MYO9B: variants seen among roughly 807,000 people sequenced by gnomAD.
MYO9B encodes myosin IXB.
Under a neutral mutation model 229.5 loss-of-function variants are expected in MYO9B, and 71 were observed. That is an observed-to-expected ratio of 0.31 (90% CI 0.26 to 0.38). The LOEUF is 0.38. Among genes scored for constraint, MYO9B ranks in the 10% least tolerant of loss-of-function variants. MYO9B has a pLI of 1.00. For missense variants in MYO9B, 2,255 were observed against 2,920.5 expected, an observed-to-expected ratio of 0.77 and a Z score of 5.25; for synonymous variants, 1,185 against 1,235.8, an observed-to-expected ratio of 0.96 and a Z score of 0.86.
chr19:17,145,690 G>C (rs1226959938), intron 3 of MYO9B, among the ~76,000 whole-genome samples, 199 bp downstream of exon 3: 1 of 152,172 alleles, frequency 6.6e-6, no homozygotes, highest in Non-Finnish European at 1.5e-5. Flanking sequence ...GGCAGGGGCT[G>C]GGGGACGTGG....
At chr19:17,148,481 A>G (rs746568785) in intron 3 of MYO9B, among the ~76,000 whole-genome samples, 23 of 152,324 alleles carry the variant, frequency 1.5e-4, no homozygotes, top group South Asian at 8.3e-4. Context: ...CTCTAGGGAA[A>G]GATCCTGGCT....
At chr19:17,169,022 C>T (rs1337278560) in intron 11 of MYO9B, among the ~76,000 whole-genome samples, 3 of 152,088 alleles carry the variant, frequency 2.0e-5, no homozygotes, top group Non-Finnish European at 2.9e-5. Context: ...GGAACCGCTA[C>T]AAGCCAGGTG....
At chr19:17,158,687 G>C (rs1005211509) in intron 7 of MYO9B, among the ~76,000 whole-genome samples, 1 of 152,190 alleles carries the variant, frequency 6.6e-6, no homozygotes, top group Non-Finnish European at 1.5e-5. Context: ...TTGGCAGTGC[G>C]GGGAGGGATG....
chr19:17,077,120 A>C (rs932560082), intron 1 of MYO9B, among the ~76,000 whole-genome samples: 3 of 152,128 alleles, frequency 2.0e-5, no homozygotes, highest in African/African-American at 7.2e-5. Flanking sequence ...GCCGGAGGTG[A>C]CCTGGGCTAC....
At chr19:17,085,186 C>G (rs546933653) in intron 1 of MYO9B, among the ~76,000 whole-genome samples, 3 of 152,108 alleles carry the variant, frequency 2.0e-5, no homozygotes, top group Non-Finnish European at 2.9e-5. Flanking sequence ...ATCCTGAGAC[C>G]ATTGTCCCCC....
At chr19:17,089,124 G>A (rs914921144) in intron 1 of MYO9B, among the ~76,000 whole-genome samples, 1 of 152,112 alleles carries the variant, frequency 6.6e-6, no homozygotes, top group Non-Finnish European at 1.5e-5. Context: ...GCCATCTTAT[G>A]GTTAGGTTGC....
At chr19:17,120,848 C>T (rs2057956856) in intron 2 of MYO9B, among the ~76,000 whole-genome samples, 1 of 152,150 alleles carries the variant, frequency 6.6e-6, no homozygotes, top group Non-Finnish European at 1.5e-5. Context: ...CATGGTGGCA[C>T]ATGCCTGTAG....
intron 10 of MYO9B, among the ~76,000 whole-genome samples, chr19:17,165,386 C>T (rs2072647826): frequency 1.3e-5 from 2 of 151,578 alleles, no homozygotes; most frequent in South Asian, 2.1e-4. Flanking sequence ...ATTAATTTCA[C>T]CTTTTTTTTT....
At chr19:17,093,624 A>G (rs2057659331) in intron 1 of MYO9B, among the ~76,000 whole-genome samples, 1 of 149,288 alleles carries the variant, frequency 6.7e-6, no homozygotes, top group African/African-American at 2.4e-5. Flanking sequence ...AGTTTTAGAA[A>G]GATAAACTCC....
chr19:17,097,142 A>G (rs2057701056), intron 1 of MYO9B, among the ~76,000 whole-genome samples: 1 of 151,642 alleles, frequency 6.6e-6, no homozygotes, highest in Non-Finnish European at 1.5e-5. Context: ...ACTAAAACAG[A>G]GAAACACTGT....
intron 2 of MYO9B, among the ~76,000 whole-genome samples, chr19:17,126,174 C>A (rs529038746): frequency 6.6e-6 from 1 of 152,322 alleles, no homozygotes; most frequent in African/African-American, 2.4e-5. Flanking sequence ...CTCATTTCCT[C>A]GCCTCCAGCC....
chr19:17,117,553 C>A (rs1414300529), intron 2 of MYO9B, among the ~76,000 whole-genome samples: 1 of 152,186 alleles, frequency 6.6e-6, no homozygotes, highest in Non-Finnish European at 1.5e-5. Context: ...CAACACCTTC[C>A]CTAGAGGGGG....
At position 17,200,282 on chromosome 19, in the gene MYO9B, T is replaced by C. The variant is rs1293154380; in HGVS notation, c.4239-11T>C. 1 of 1,603,562 alleles carries C rather than the reference T, an allele frequency of 6.2e-7. No homozygotes were observed. Among genetic ancestry groups the C allele is most frequent in the Admixed American group, 1.8e-5 (1 of 56,380 alleles). On this transcript the variant is annotated splice_polypyrimidine_tract_variant and intron_variant, in intron 24 of 39. Coordinates refer to ENST00000682292, the MANE Select transcript of MYO9B (RefSeq NM_004145.4). ...TCAGACTTAAAAGAAGCCACGTACTTTCTCCTGCAGATCCACGTTTAAGAG... is the reference window on the plus strand; with the variant it reads ...TCAGACTTAAAAGAAGCCACGTACTCTCTCCTGCAGATCCACGTTTAAGAG...
chr19:17,184,706 C>T, intron 16 of MYO9B, 159 bp from the exon 17 acceptor site: 4 of 861,146 alleles, frequency 4.6e-6, no homozygotes, highest in African/African-American at 1.7e-5. Flanking sequence ...CCACTGGGCC[C>T]ACATCAATAG....
intron 1 of MYO9B, among the ~76,000 whole-genome samples, chr19:17,089,858 C>G (rs1039662422): frequency 6.6e-6 from 1 of 152,100 alleles, no homozygotes; most frequent in Non-Finnish European, 1.5e-5. Context: ...TGTGCCAACA[C>G]CAGCTCTATC....
chr19:17,209,497 C>T, intron 35 of MYO9B, 89 bp from the exon 36 acceptor site: 5 of 1,409,860 alleles, frequency 3.5e-6, no homozygotes, highest in Non-Finnish European at 4.8e-6. Flanking sequence ...TCAACCACTG[C>T]CCCCCAGGCA....
chr19:17,211,404 C>T (rs992115705), intron 38 of MYO9B, among the ~76,000 whole-genome samples: 3 of 152,084 alleles, frequency 2.0e-5, no homozygotes, highest in African/African-American at 7.2e-5. Context: ...CCCCAGTAGC[C>T]GGAACCACAG....
chr19:17,203,326 T>C, intron 30 of MYO9B, 68 bp downstream of exon 30: 1 of 1,253,810 alleles, frequency 8.0e-7, no homozygotes, highest in Non-Finnish European at 1.1e-6. Context: ...GCTCAAGAGG[T>C]CTTCAGGGCC....
intron 3 of MYO9B, among the ~76,000 whole-genome samples, chr19:17,148,680 C>T (rs1395785545): frequency 6.6e-6 from 1 of 152,146 alleles, no homozygotes; most frequent in Non-Finnish European, 1.5e-5. Context: ...GCCTCCCGGG[C>T]TCAAGCAATT....
Sources: gnomAD v4.1 joint callset for allele counts (sites outside exome capture counted in the v4.1 genomes callset) on GRCh38, gnomAD v4.1.1 for gene constraint, MANE v1.5 for transcripts, NCBI Gene and HGNC (gene_info 2026-07-23, HGNC 2026-07-21) for gene names.